LRRC3C: variants seen among roughly 807,000 people sequenced by gnomAD.
The protein encoded by LRRC3C is leucine rich repeat containing 3C.
Under a neutral mutation model 14.8 loss-of-function variants are expected in LRRC3C, and 11 were observed. The observed-to-expected ratio is 0.74, with a 90% CI of 0.47 to 1.23. LRRC3C has a LOEUF of 1.23. Ranked by LOEUF, LRRC3C falls within the 50% of genes most tolerant of loss-of-function variation. The probability of loss-of-function intolerance (pLI) is 0.00; values close to 1 mark genes in which losing one functional copy is unlikely to be tolerated. For missense variants in LRRC3C, 354 were observed against 361.8 expected (o/e 0.98, Z 0.18); for synonymous variants, 149 against 161.5 (o/e 0.92, Z 0.59).
At chr17:39,941,221 G>A (rs1310627967) in intron 2 of LRRC3C, among the ~76,000 whole-genome samples, 2 of 151,836 alleles carry the variant, frequency 1.3e-5, no homozygotes, top group East Asian at 3.9e-4. Flanking sequence ...TTGGTCGGCA[G>A]GCACCTGTAG....
intron 3 of LRRC3C, 144 bp from the exon 4 acceptor site, chr17:39,943,789 G>C (rs1978997606): frequency 1.4e-6 from 1 of 716,342 alleles, no homozygotes; most frequent in African/African-American, 1.8e-5. Flanking sequence ...AAGTGAAAAA[G>C]TCACCCAGGC....
At chr17:39,932,065 C>T (rs1368323950) in intron 1 of LRRC3C, among the ~76,000 whole-genome samples, 1 of 152,162 alleles carries the variant, frequency 6.6e-6, no homozygotes, top group Non-Finnish European at 1.5e-5. Flanking sequence ...CATCCTCTGG[C>T]ACCAGACTGC....
At chr17:39,936,811 C>T (rs1432787489) in intron 2 of LRRC3C, among the ~76,000 whole-genome samples, 2 of 149,912 alleles carry the variant, frequency 1.3e-5, no homozygotes, top group Non-Finnish European at 3.0e-5. Context: ...AGTGGGACCC[C>T]GTCTCGAAAA....
At chr17:39,932,593 G>A (rs1286492370) in intron 1 of LRRC3C, among the ~76,000 whole-genome samples, 3 of 141,106 alleles carry the variant, frequency 2.1e-5, no homozygotes, top group Non-Finnish European at 3.0e-5. Flanking sequence ...ATGGTGGCAT[G>A]TTCCCGTAGT....
chr17:39,934,037 A>G (rs926958542), intron 1 of LRRC3C, among the ~76,000 whole-genome samples: 10 of 152,248 alleles, frequency 6.6e-5, no homozygotes, highest in African/African-American at 2.4e-4. Context: ...GCCAGTCAGA[A>G]GCCAGGAGTG....
rs1457995353 is a variant in LRRC3C, at chr17:39,944,055, G to A, written c.149G>A (p.Arg50Gln). 12 of 1,536,072 alleles carry A rather than the reference G, an allele frequency of 7.8e-6. No homozygotes were observed. In the East Asian group the frequency reaches 1.2e-4, roughly 16 times the overall value. ...GTGCCCAGCCCCCAGGTGCCTCCCC[G>A]GGGCTGTTATGTGGCAAAGGAAGCA... ...GTVPSPQVPP[R>Q]GCYVAKEAGE... The change falls in exon 4 of 4, where the codon CGG becomes CAG. Residue 50 changes from arginine to glutamine, a missense_variant. By Grantham distance (43) the Arg-to-Gln change is conservative. Transcript: ENST00000377924.
chr17:39,943,835 A>G (rs1794523248), intron 3 of LRRC3C, 98 bp from the exon 4 acceptor site: 1 of 1,250,962 alleles, frequency 8.0e-7, no homozygotes, highest in Non-Finnish European at 1.1e-6. Context: ...CCCCAGCCCA[A>G]AAAGACTCCC....
intron 3 of LRRC3C, among the ~76,000 whole-genome samples, chr17:39,941,952 T>C (rs1338044696): frequency 6.6e-6 from 1 of 152,020 alleles, no homozygotes; most frequent in Admixed American, 6.6e-5. Flanking sequence ...GATGGTGCCA[T>C]AGGAGGCACC....
rs551123682 is a variant in LRRC3C at position 39,933,531 on chromosome 17, G to A, written c.-174-2271G>A. Among the ~76,000 whole-genome samples the A allele has an allele frequency of 6.4e-3, 972 of 152,190 alleles. 12 individuals carry two copies. The highest frequency in any genetic ancestry group is 0.019 in the African/African-American group (809 of 41,522). On this transcript the variant is annotated intron_variant, in intron 1 of 3. Transcript: ENST00000377924. ...GGGCAGATCACGAGGTCAGGAGATCGAGACCATCCTGGCTAACACAGTGAA... is the reference window on the plus strand; with the variant it reads ...GGGCAGATCACGAGGTCAGGAGATCAAGACCATCCTGGCTAACACAGTGAA...
chr17:39,944,457 G>T lies in LRRC3C; in HGVS notation c.551G>T (p.Gly184Val), dbSNP rs900012098. 6.7e-7 allele frequency: 1 copy of T among 1,487,782 alleles called. No individual in the cohort carries two copies. The highest frequency in any genetic ancestry group is 1.3e-5 in the South Asian group (1 of 75,392). The allele number at this position is 1,487,782 out of a possible 1,614,324, so 92.2% of individuals were successfully genotyped here. ...AGGCTGGTGCCGGGCACTGGGACAG[G>T]CATCGTGTGTGGCTCAGGAGCCCGA... ...QVRLVPGTGT[G>V]IVCGSGARPD... Residue 184 changes from glycine (G) to valine (V), a missense_variant, in exon 4 of 4, where the codon GGC becomes GTC. Gly to Val is a moderately radical substitution (Grantham distance 109). Transcript: ENST00000377924.
At chr17:39,934,768 G>A (rs559178175) in intron 1 of LRRC3C, 1 of 152,322 alleles carries the variant, frequency 6.6e-6, no homozygotes. Context: ...TTAAGTAAAG[G>A]AATAAAATAA....
intron 3 of LRRC3C, among the ~76,000 whole-genome samples, chr17:39,943,512 G>A (rs939188194): frequency 9.9e-5 from 15 of 152,276 alleles, no homozygotes; most frequent in African/African-American, 3.6e-4. Context: ...TCTCCATCAC[G>A]CGAGTGCCAA....
At chr17:39,938,466 G>A (rs1978856735) in intron 2 of LRRC3C, among the ~76,000 whole-genome samples, 1 of 151,850 alleles carries the variant, frequency 6.6e-6, no homozygotes, top group Non-Finnish European at 1.5e-5. Context: ...ACTTTTTGCA[G>A]GGGGCCAAGG....
At chr17:39,937,299 G>A (rs889820800) in intron 2 of LRRC3C, among the ~76,000 whole-genome samples, 5 of 152,158 alleles carry the variant, frequency 3.3e-5, no homozygotes, top group African/African-American at 9.6e-5. Context: ...ATCCGGGTGT[G>A]GTGACGGGTG....
Position 39,927,758 on chromosome 17 carries a change from A to T in LRRC3C, c.-231A>T. On this transcript the variant is annotated 5_prime_UTR_variant, in exon 1 of 4. Coordinates refer to ENST00000377924, the MANE Select transcript of LRRC3C (RefSeq NM_001195545.2). The stretch of plus-strand genomic sequence containing the variant: ...GGCTCCGTTCCCGGCCTCTTCGGGG[A>T]CGCACGGTTGGAAGTTGTACCGTGA... 1 of 985,352 alleles carries T rather than the reference A, an allele frequency of 1.0e-6. No homozygotes were observed. Among genetic ancestry groups the T allele is most frequent in the Non-Finnish European group, 1.2e-6 (1 of 829,964 alleles). The allele number at this position is 985,352 out of a possible 1,614,324, so 61.0% of individuals were successfully genotyped here.
At chr17:39,943,901 A>G in intron 3 of LRRC3C, 32 bp from the exon 4 acceptor site, 1 of 1,531,668 alleles carries the variant, frequency 6.5e-7, no homozygotes, top group Non-Finnish European at 8.7e-7. Flanking sequence ...CTCTTGACTC[A>G]CTCCTCCTTT....
intron 2 of LRRC3C, 89 bp from the exon 3 acceptor site, chr17:39,941,349 TAAAAA>T (rs11344927): frequency 2.7e-3 from 715 of 268,794 alleles, no homozygotes; most frequent in South Asian, 4.2e-3. Context: ...AGACTTTATC[TAAAAA>T]AAAAAAAAAA....
At chr17:39,939,551 C>T in intron 2 of LRRC3C, 1 of 341,574 alleles carries the variant, frequency 2.9e-6, no homozygotes, top group Non-Finnish European at 4.1e-6. Context: ...TGTAAAAGCT[C>T]CCCAAGTGAT....
At chr17:39,928,651 A>G (rs1317676880) in intron 1 of LRRC3C, among the ~76,000 whole-genome samples, 3 of 152,212 alleles carry the variant, frequency 2.0e-5, no homozygotes, top group African/African-American at 7.2e-5. Context: ...CACTCTATGC[A>G]GGGCAGGGCT....
Sources: gnomAD v4.1 joint callset for allele counts (sites outside exome capture counted in the v4.1 genomes callset) on GRCh38, gnomAD v4.1.1 for gene constraint, MANE v1.5 for transcripts, NCBI Gene and HGNC (gene_info 2026-07-23, HGNC 2026-07-21) for gene names.